TMEM108: variants seen among roughly 807,000 people sequenced by gnomAD.
TMEM108 encodes cancer/testis antigen 124.
TMEM108 carries 12 observed loss-of-function variants against 35.1 expected under a neutral mutation model. The observed-to-expected ratio is 0.34, with a 90% confidence interval of 0.22 to 0.55. The LOEUF (loss-of-function observed/expected upper bound fraction) is 0.55, where lower values mean the gene tolerates loss of function less well. Ranked by LOEUF, TMEM108 falls within the 20% of genes least tolerant of loss-of-function variation. The probability of loss-of-function intolerance (pLI) is 0.89; values close to 1 mark genes in which losing one functional copy is unlikely to be tolerated. For synonymous variants in TMEM108, 287 were observed against 308.6 expected, an observed-to-expected ratio of 0.93 and a Z score of 0.73; for missense variants, 680 against 753.3, an observed-to-expected ratio of 0.90 and a Z score of 1.14.
intron 3 of TMEM108, among the ~76,000 whole-genome samples, chr3:133,260,048 A>G (rs1264744714): frequency 6.6e-6 from 1 of 152,176 alleles, no homozygotes; most frequent in Non-Finnish European, 1.5e-5. Context: ...TGTGGAAACA[A>G]CCGTACCAGT....
In TMEM108 at chr3:133,386,203, A is replaced by G. The variant is rs567875422; in HGVS notation, c.1451-3977A>G. Among the ~76,000 whole-genome samples, 5 of 152,348 alleles carry G rather than the reference A, an allele frequency of 3.3e-5. No homozygotes were observed. The South Asian group carries it at 1.0e-3, about 32-fold the overall frequency. Reference sequence around the variant, plus strand: ...CATGGCTGCAACCTCGAAGACTTGTAAAATCAGAGATGATGCATGTTAGGT... The same window carrying G: ...CATGGCTGCAACCTCGAAGACTTGTGAAATCAGAGATGATGCATGTTAGGT... On this transcript the variant is annotated intron_variant, in intron 4 of 5. Transcript: ENST00000321871.
At chr3:133,220,675 A>G (rs966742362) in intron 2 of TMEM108, among the ~76,000 whole-genome samples, 8 of 152,196 alleles carry the variant, frequency 5.3e-5, no homozygotes, top group Non-Finnish European at 1.0e-4. Context: ...CAATTCTCCC[A>G]TGGACACCAG....
At chr3:133,194,602 G>A (rs1289632024) in intron 2 of TMEM108, among the ~76,000 whole-genome samples, 3 of 151,624 alleles carry the variant, frequency 2.0e-5, no homozygotes. Flanking sequence ...ATCAGCAGGG[G>A]AACAAATTCA....
intron 2 of TMEM108, among the ~76,000 whole-genome samples, chr3:133,228,562 A>C (rs546574035): frequency 1.3e-5 from 2 of 152,298 alleles, no homozygotes; most frequent in South Asian, 4.1e-4. Flanking sequence ...ATAAAATTGT[A>C]AAGTAATAGT....
intron 2 of TMEM108, among the ~76,000 whole-genome samples, chr3:133,098,349 G>T (rs942591039): frequency 3.3e-5 from 5 of 152,112 alleles, no homozygotes; most frequent in Admixed American, 6.6e-5. Context: ...CTCACCCGGG[G>T]TCCCTCCCAC....
chr3:133,186,233 G>A (rs1945419188), intron 2 of TMEM108, among the ~76,000 whole-genome samples: 1 of 152,152 alleles, frequency 6.6e-6, no homozygotes, highest in Non-Finnish European at 1.5e-5. Flanking sequence ...CGTTAAAGGT[G>A]GCTTCACAGT....
intron 2 of TMEM108, among the ~76,000 whole-genome samples, chr3:133,135,813 G>A (rs1197734250): frequency 2.6e-5 from 4 of 152,178 alleles, no homozygotes; most frequent in Non-Finnish European, 2.9e-5. Context: ...TAATTTGGAG[G>A]ACCAGCAAGC....
At chr3:133,195,572 TG>T (rs2107819821) in intron 2 of TMEM108, among the ~76,000 whole-genome samples, 1 of 152,336 alleles carries the variant, frequency 6.6e-6, no homozygotes, top group Non-Finnish European at 1.5e-5. Context: ...TCATTATTAC[TG>T]TATGTGTCAA....
At chr3:133,387,614 C>G (rs1377224298) in intron 4 of TMEM108, 1 of 892,614 alleles carries the variant, frequency 1.1e-6, no homozygotes, top group South Asian at 5.1e-5. Flanking sequence ...AGCAAGTTCA[C>G]CTCTCTAGGT....
At chr3:133,208,017 G>T (rs1945783579) in intron 2 of TMEM108, among the ~76,000 whole-genome samples, 1 of 152,022 alleles carries the variant, frequency 6.6e-6, no homozygotes, top group Non-Finnish European at 1.5e-5. Flanking sequence ...CATTTTGTTG[G>T]TCCTATATAA....
At chr3:133,120,069 T>A (rs1944334224) in intron 2 of TMEM108, among the ~76,000 whole-genome samples, 2 of 152,104 alleles carry the variant, frequency 1.3e-5, no homozygotes, top group African/African-American at 4.8e-5. Context: ...GAGACCAACT[T>A]CTTCTTCTAA....
chr3:133,301,179 C>T (rs192082539), intron 3 of TMEM108, among the ~76,000 whole-genome samples: 53 of 152,196 alleles, frequency 3.5e-4, no homozygotes, highest in African/African-American at 1.2e-3. Flanking sequence ...CCTGCAAGTC[C>T]GCAGTCAGTT....
intron 2 of TMEM108, among the ~76,000 whole-genome samples, chr3:133,077,443 G>A (rs1254988282): frequency 6.6e-6 from 1 of 152,160 alleles, no homozygotes; most frequent in Non-Finnish European, 1.5e-5. Context: ...CTACCTGGGT[G>A]TCTGCAGAGC....
chr3:133,183,712 A>C (rs77560257), intron 2 of TMEM108, among the ~76,000 whole-genome samples: 1,864 of 152,240 alleles, frequency 0.012, 48 homozygotes, highest in African/African-American at 0.042. Context: ...TTGTTGAGGC[A>C]GGGAGTGGGC....
intron 3 of TMEM108, among the ~76,000 whole-genome samples, chr3:133,344,225 T>TA (rs1427601356): frequency 6.6e-6 from 1 of 151,756 alleles, no homozygotes; most frequent in East Asian, 1.9e-4. Flanking sequence ...ATTTAAAAAA[T>TA]AAAAAATTTA....
intron 5 of TMEM108, among the ~76,000 whole-genome samples, chr3:133,390,634 T>C (rs2073221427): frequency 6.6e-6 from 1 of 152,160 alleles, no homozygotes; most frequent in African/African-American, 2.4e-5. Context: ...TGCCGAGCAC[T>C]CCCAGGGCAC....
intron 3 of TMEM108, among the ~76,000 whole-genome samples, chr3:133,290,058 G>A (rs924992609): frequency 3.9e-5 from 6 of 152,326 alleles, no homozygotes; most frequent in Admixed American, 2.6e-4. Flanking sequence ...CTGCTGGGAG[G>A]AAAGACAGAC....
At chr3:133,092,306 A>G (rs1943957223) in intron 2 of TMEM108, among the ~76,000 whole-genome samples, 2 of 152,238 alleles carry the variant, frequency 1.3e-5, no homozygotes, top group African/African-American at 2.4e-5. Context: ...GTATACCCAG[A>G]GTGATGTGAA....
intron 3 of TMEM108, among the ~76,000 whole-genome samples, chr3:133,292,136 T>C (rs994473367): frequency 2.0e-5 from 3 of 149,726 alleles, no homozygotes; most frequent in African/African-American, 7.3e-5. Context: ...TGCGTAGAAG[T>C]TTACCAGATT....
Sources: gnomAD v4.1 joint callset for allele counts (sites outside exome capture counted in the v4.1 genomes callset) on GRCh38, gnomAD v4.1.1 for gene constraint, MANE v1.5 for transcripts, NCBI Gene and HGNC (gene_info 2026-07-23, HGNC 2026-07-21) for gene names.